SPATA25: variants seen among roughly 807,000 people sequenced by gnomAD.
The protein encoded by SPATA25 is spermatogenesis associated 25, also known as spermatogenesis-associated protein 25.
In SPATA25, 16 loss-of-function variants were observed where a neutral mutation model predicts 16.0. The ratio of observed to expected loss-of-function variants is 1.00; its 90% confidence interval spans 0.68 to 1.52. The LOEUF (loss-of-function observed/expected upper bound fraction) is 1.52, where lower values mean the gene tolerates loss of function less well. Ranked by LOEUF, SPATA25 falls within the 40% of genes most tolerant of loss-of-function variation. SPATA25 has a pLI of 0.00. For missense variants in SPATA25, 285 were observed against 289.2 expected, an observed-to-expected ratio of 0.99 and a Z score of 0.11; for synonymous variants, 115 against 118.5, an observed-to-expected ratio of 0.97 and a Z score of 0.19.
Position 45,886,776 on chromosome 20 carries a change from A to G in SPATA25, c.425T>C (p.Val142Ala), listed in dbSNP as rs1372959115. Residue 142 changes from valine to alanine, a missense_variant, in exon 2 of 2, where the codon GTG (valine) becomes GCG (alanine). By Grantham distance (64) the Val-to-Ala change is moderately conservative (BLOSUM62 0). Transcript: ENST00000372519. ...AGGCTGGGAGCTGGCCTCCTTCCCC[A>G]CTGCCTCAGAGGGTACCGGTAGAAC... ...PRVLPVPSEAVGKEASSQPDI... is the reference protein window; with the variant it reads ...PRVLPVPSEAAGKEASSQPDI... The G allele has an allele frequency of 6.2e-7, 1 of 1,613,908 alleles. No individual in the cohort carries two copies. The highest frequency in any genetic ancestry group is 8.5e-7 in the Non-Finnish European group (1 of 1,180,024).
chr20:45,887,517 G>C lies in SPATA25; in HGVS notation c.55+19C>G, dbSNP rs767504167. The C allele has an allele frequency of 6.2e-7, 1 of 1,611,826 alleles. No individual in the cohort carries two copies. Among genetic ancestry groups the C allele is most frequent in the South Asian group, 1.1e-5 (1 of 90,688 alleles). Reference sequence around the variant, plus strand: ...GGAAGCTGCCGCACTCCCTCCAATTGCAGGTGCCCCCCGCTCACCTTGGCC... The same window carrying C: ...GGAAGCTGCCGCACTCCCTCCAATTCCAGGTGCCCCCCGCTCACCTTGGCC... On this transcript the variant is annotated intron_variant, in intron 1 of 1. Transcript: ENST00000372519.
In SPATA25 at chr20:45,887,543, G is replaced by T; in HGVS notation, c.48C>A (p.Ser16=). 2 of 1,613,570 alleles carry T rather than the reference G, an allele frequency of 1.2e-6. No individual in the cohort carries two copies. Among genetic ancestry groups the T allele is most frequent in the Admixed American group, 3.3e-5 (2 of 59,988 alleles). Residue 16 remains serine, a synonymous_variant, in exon 1 of 2, where the codon TCC becomes TCA. Transcript: ENST00000372519. Reference sequence around the variant, plus strand: ...CAGGTGCCCCCCGCTCACCTTGGCCGGAAGGCAGAGGACCTGGATGAGTTT... The same window carrying T: ...CAGGTGCCCCCCGCTCACCTTGGCCTGAAGGCAGAGGACCTGGATGAGTTT... The part of the protein sequence containing the change: ...TPQTHPGPLP[S]GQGGAASPGL...
Position 45,887,538 on chromosome 20 carries a change from T to C in SPATA25, c.53A>G (p.Gln18Arg), listed in dbSNP as rs773122997. 2.9e-5 allele frequency: 47 copies of C among 1,613,516 alleles called. No individual in the cohort carries two copies. In the South Asian group the frequency reaches 4.9e-4, roughly 17 times the overall value. ...AATTGCAGGTGCCCCCCGCTCACCT[T>C]GGCCGGAAGGCAGAGGACCTGGATG... ...QTHPGPLPSGQGGAASPGLSL... is the reference protein window; with the variant it reads ...QTHPGPLPSGRGGAASPGLSL... Residue 18 changes from glutamine (Q) to arginine (R), a missense_variant and splice_region_variant, in exon 1 of 2, where the codon CAA becomes CGA. Coordinates refer to ENST00000372519, the MANE Select transcript of SPATA25 (RefSeq NM_080608.4).
At position 45,886,707 on chromosome 20, in the gene SPATA25, G is replaced by C. The variant is rs757912870; in HGVS notation, c.494C>G (p.Pro165Arg). The C allele has an allele frequency of 3.7e-6, 6 of 1,614,164 alleles. No homozygotes were observed. The highest frequency in any genetic ancestry group is 1.1e-5 in the South Asian group (1 of 91,078). Residue 165 changes from proline (P) to arginine (R), a missense_variant, in exon 2 of 2, where the codon CCC (proline) becomes CGC (arginine). Pro to Arg is a moderately radical substitution (Grantham distance 103). Coordinates refer to ENST00000372519, the MANE Select transcript of SPATA25 (RefSeq NM_080608.4). Reference sequence around the variant, plus strand: ...CCGAACTCCTGGGACGGGCACGGTGGGGATGCCAGCGATCATCATGGCGAG... The same window carrying C: ...CCGAACTCCTGGGACGGGCACGGTGCGGATGCCAGCGATCATCATGGCGAG... The part of the protein sequence containing the change: ...LTLAMMIAGI[P>R]TVPVPGVREE...
upstream of SPATA25, among the ~76,000 whole-genome samples, chr20:45,889,303 C>T (rs949819171): frequency 7.2e-5 from 11 of 151,980 alleles, no homozygotes; most frequent in Admixed American, 1.3e-4. Context: ...TGTTATGCCT[C>T]GAAGCCAATA....
At chr20:45,890,151 G>C, upstream of SPATA25, 1 of 1,336,716 alleles carries the variant, frequency 7.5e-7, no homozygotes, top group Non-Finnish European at 1.1e-6. Flanking sequence ...TCTTAAACTA[G>C]TGCCGGACAG....
chr20:45,887,485 T>C (rs975574235), intron 1 of SPATA25, 51 bp downstream of exon 1: 3 of 1,585,278 alleles, frequency 1.9e-6, no homozygotes, highest in Non-Finnish European at 1.7e-6. Context: ...GAAAGCAACT[T>C]CTCAGGGGAA....
upstream of SPATA25, chr20:45,888,714 C>T (rs1470303913): frequency 6.2e-7 from 1 of 1,605,484 alleles, no homozygotes. Context: ...AGCCACAGGT[C>T]TGGGGCTCCA....
chr20:45,886,695 A>G lies in SPATA25; in HGVS notation c.506T>C (p.Val169Ala), dbSNP rs771394352. 1.4e-5 allele frequency: 23 copies of G among 1,613,972 alleles called. No homozygotes were observed. Among genetic ancestry groups the G allele is most frequent in the Non-Finnish European group, 1.9e-5 (23 of 1,180,034 alleles). Residue 169 changes from valine (V) to alanine (A), a missense_variant, in exon 2 of 2, where the codon GTC (valine) becomes GCC (alanine). By Grantham distance (64) the Val-to-Ala change is moderately conservative (BLOSUM62 0). Transcript: ENST00000372519. ...MMIAGIPTVP[V>A]PGVREEDLIW... ...CAGGTCCTCTTCCCGAACTCCTGGG[A>G]CGGGCACGGTGGGGATGCCAGCGAT...
intron 1 of SPATA25, 141 bp downstream of exon 1, chr20:45,887,395 G>T: frequency 1.2e-6 from 1 of 863,790 alleles, no homozygotes; most frequent in Non-Finnish European, 1.7e-6. Flanking sequence ...AAGGATGTTT[G>T]GAATGGCTTT....
At chr20:45,890,361 C>T (rs35342327), upstream of SPATA25, 7,987 of 1,612,870 alleles carry the variant, frequency 5.0e-3, 367 homozygotes, top group African/African-American at 0.094. Flanking sequence ...CCCATGTCCT[C>T]GCCGTTGATG....
At chr20:45,887,745 A>T, upstream of SPATA25, 3 of 597,458 alleles carry the variant, frequency 5.0e-6, no homozygotes, top group Non-Finnish European at 8.4e-6. Flanking sequence ...TGGACATGAC[A>T]ATAGGATGAG....
At chr20:45,890,741 C>A, upstream of SPATA25, 1 of 1,613,200 alleles carries the variant, frequency 6.2e-7, no homozygotes, top group South Asian at 1.1e-5. Context: ...CGCGGTCAGA[C>A]CGAGACGCAG....
At chr20:45,887,667 C>A, upstream of SPATA25, 1 of 1,407,592 alleles carries the variant, frequency 7.1e-7, no homozygotes, top group South Asian at 1.2e-5. Flanking sequence ...TCTAGAATGT[C>A]ACCTCATAGA....
upstream of SPATA25, chr20:45,888,690 A>C (rs1601131827): frequency 6.5e-7 from 1 of 1,533,556 alleles, no homozygotes; most frequent in African/African-American, 1.4e-5. Flanking sequence ...AATGTGGCCA[A>C]CTTCGGACCA....
upstream of SPATA25, chr20:45,890,323 C>A (rs778900027): frequency 1.9e-6 from 3 of 1,613,286 alleles, no homozygotes; most frequent in South Asian, 1.1e-5. Flanking sequence ...AGAGGGGCTG[C>A]GCAGCTGGCA....
chr20:45,889,577 AGCTTGCTT>A, upstream of SPATA25, among the ~76,000 whole-genome samples: 1 of 150,310 alleles, frequency 6.7e-6, no homozygotes, highest in South Asian at 2.1e-4. Context: ...TGAGCTAGCT[AGCTTGCTT>A]GCTTGCTTGC....
Position 45,886,858 on chromosome 20 carries a change from C to T in SPATA25, c.343G>A (p.Asp115Asn), listed in dbSNP as rs1258680353. 1 of 1,613,874 alleles carries T rather than the reference C, an allele frequency of 6.2e-7. No individual in the cohort carries two copies. Among genetic ancestry groups the T allele is most frequent in the Non-Finnish European group, 8.5e-7 (1 of 1,180,052 alleles). The change falls in exon 2 of 2, where the codon GAC becomes AAC. Residue 115 changes from aspartate (D) to asparagine (N), a missense_variant. Physicochemically the swap from Asp to Asn is conservative, Grantham distance 23. Coordinates refer to ENST00000372519, the MANE Select transcript of SPATA25 (RefSeq NM_080608.4). ...CTAGGCCTGCTGGGGCCACCCAGGT[C>T]AGGGGCTCTGCTTCTGGAGTAGCCA... ...DNGYSRSRAP[D>N]LGGPSRPRPL...
chr20:45,889,577 A>AGCTTGCTT (rs556568251), upstream of SPATA25, among the ~76,000 whole-genome samples: 12 of 150,310 alleles, frequency 8.0e-5, no homozygotes, highest in East Asian at 2.4e-3. Context: ...TGAGCTAGCT[A>AGCTTGCTT]GCTTGCTTGC....
Sources: allele counts gnomAD v4.1 joint callset (sites outside exome capture counted in the v4.1 genomes callset), GRCh38; gene constraint gnomAD v4.1.1; transcripts MANE v1.5; gene names NCBI Gene and HGNC (gene_info 2026-07-23, HGNC 2026-07-21).